The following ZBTB38 variants were observed in gnomAD, a reference collection of about 807,000 sequenced individuals.
ZBTB38 encodes zinc finger and BTB domain-containing protein 38.
In ZBTB38, 20 loss-of-function variants were observed where a neutral mutation model predicts 76.8. The observed-to-expected ratio is 0.26, with a 90% confidence interval of 0.18 to 0.38. The LOEUF is 0.38. Among genes scored for constraint, ZBTB38 ranks in the 10% least tolerant of loss-of-function variants. The pLI, the probability that ZBTB38 is intolerant of heterozygous loss-of-function variation, is 1.00. For synonymous variants in ZBTB38, 504 were observed against 544.2 expected, an observed-to-expected ratio of 0.93 and a Z score of 1.03; for missense variants, 1,082 against 1,482.3, an observed-to-expected ratio of 0.73 and a Z score of 4.43.
intron 2 of ZBTB38, among the ~76,000 whole-genome samples, chr3:141,377,496 G>T (rs2149111560): frequency 6.6e-6 from 1 of 152,308 alleles, no homozygotes; most frequent in Non-Finnish European, 1.5e-5. Flanking sequence ...CTCCTACATT[G>T]CCTGTAGGAA....
intron 5 of ZBTB38, among the ~76,000 whole-genome samples, chr3:141,435,597 T>C (rs2078588903): frequency 6.6e-6 from 1 of 151,858 alleles, no homozygotes; most frequent in African/African-American, 2.4e-5. Flanking sequence ...CCGTCTCTAC[T>C]AAAAATACAA....
intron 2 of ZBTB38, among the ~76,000 whole-genome samples, chr3:141,376,531 C>T (rs909109008): frequency 1.3e-5 from 2 of 152,190 alleles, no homozygotes; most frequent in Non-Finnish European, 2.9e-5. Context: ...AAGTCTACAA[C>T]CTCCCTTGAA....
chr3:141,421,353 T>C (rs1000170374), intron 5 of ZBTB38, among the ~76,000 whole-genome samples: 2 of 151,338 alleles, frequency 1.3e-5, no homozygotes, highest in Non-Finnish European at 2.9e-5. Flanking sequence ...TCTTGAACTC[T>C]TGGCCTTAAA....
chr3:141,399,833 G>C (rs957003106), intron 4 of ZBTB38, among the ~76,000 whole-genome samples: 1 of 152,080 alleles, frequency 6.6e-6, no homozygotes, highest in African/African-American at 2.4e-5. Flanking sequence ...GGCAGTTGTA[G>C]GATAACAGAA....
intron 1 of ZBTB38, among the ~76,000 whole-genome samples, chr3:141,329,973 T>A (rs1018271397): frequency 3.2e-4 from 48 of 151,794 alleles, no homozygotes; most frequent in African/African-American, 1.1e-3. Flanking sequence ...TATAAAAAAA[T>A]TTATATATCT....
intron 1 of ZBTB38, among the ~76,000 whole-genome samples, chr3:141,352,984 C>T (rs1943564356): frequency 6.6e-6 from 1 of 152,062 alleles, no homozygotes; most frequent in Non-Finnish European, 1.5e-5. Flanking sequence ...AACAAATGAA[C>T]AAACAAACCA....
At position 141,442,580 on chromosome 3, in the gene ZBTB38, C is replaced by T. The variant is rs1436821139; in HGVS notation, c.192C>T (p.Ser64=). The T allele has an allele frequency of 6.2e-7, 1 of 1,614,182 alleles. No individual in the cohort carries two copies. Among genetic ancestry groups the T allele is most frequent in the Non-Finnish European group, 8.5e-7 (1 of 1,180,046 alleles). The change falls in exon 6 of 6, where the codon AGC becomes AGT. Residue 64 remains serine (S), a synonymous_variant. Transcript: ENST00000321464. This position sits in a 1 kb window ranked among gnomAD's most constrained non-coding sequence, Gnocchi z 6.4. ...TGTATTTTAAAAATATCTTTTGGAG[C>T]CATACAATCTGTATTTCCAGCCACG... is the stretch of plus-strand genomic sequence containing the variant. ...SSLYFKNIFW[S]HTICISSHVL...
chr3:141,439,014 T>G (rs1304912855), intron 5 of ZBTB38, among the ~76,000 whole-genome samples: 1 of 151,874 alleles, frequency 6.6e-6, no homozygotes, highest in African/African-American at 2.4e-5. Context: ...TACAGCATCC[T>G]TCCTATACCC....
chr3:141,431,834 G>T (rs773103225), intron 5 of ZBTB38: 1 of 152,400 alleles, frequency 6.6e-6, no homozygotes, highest in Non-Finnish European at 1.5e-5. Context: ...CCTGTCACAC[G>T]ATGCCTTCTT....
chr3:141,428,954 A>C (rs1018786713), intron 5 of ZBTB38, among the ~76,000 whole-genome samples: 1 of 152,214 alleles, frequency 6.6e-6, no homozygotes, highest in Non-Finnish European at 1.5e-5. Flanking sequence ...ATCCTCATGT[A>C]ATGTTGATTT....
chr3:141,443,240 C>T lies in ZBTB38; in HGVS notation c.852C>T (p.Pro284=). 1 of 1,614,232 alleles carries T rather than the reference C, an allele frequency of 6.2e-7. No homozygotes were observed. The highest frequency in any genetic ancestry group is 1.6e-4 in the Middle Eastern group (1 of 6,062). The change falls in exon 6 of 6, where the codon CCC becomes CCT. Residue 284 remains proline, a synonymous_variant. Transcript: ENST00000321464. This position sits in a 1 kb window ranked among gnomAD's most constrained non-coding sequence, Gnocchi z 5.6. The part of the protein sequence containing the change: ...DSDSATENIP[P]PPVSNLEVNQ... Reference sequence around the variant, plus strand: ...ATTCAGCCACAGAAAATATACCACCCCCTCCAGTATCCAACTTAGAGGTTA... The same window carrying T: ...ATTCAGCCACAGAAAATATACCACCTCCTCCAGTATCCAACTTAGAGGTTA...
At chr3:141,328,880 A>G (rs1357479766) in intron 1 of ZBTB38, among the ~76,000 whole-genome samples, 2 of 151,756 alleles carry the variant, frequency 1.3e-5, no homozygotes, top group Non-Finnish European at 1.5e-5. Flanking sequence ...AATTTTTCCC[A>G]TGTCCTACTC....
chr3:141,349,131 C>T (rs543460582), intron 1 of ZBTB38, among the ~76,000 whole-genome samples: 1 of 152,156 alleles, frequency 6.6e-6, no homozygotes, highest in Non-Finnish European at 1.5e-5. Context: ...CCTCCTCTAC[C>T]TTTTCTCCCT....
rs575427056 is a variant in ZBTB38, at chr3:141,406,180, T to A, written c.-1+2149T>A. 4.6e-5 allele frequency among the ~76,000 whole-genome samples: 7 copies of A among 152,264 alleles called. No homozygotes were observed. The South Asian group carries it at 1.5e-3, about 32-fold the overall frequency. Reference sequence around the variant, plus strand: ...TAGGAATTGTGAATGCATTAACCAATAGGTGTCATTAAAGGTACTTGAACA... The same window carrying A: ...TAGGAATTGTGAATGCATTAACCAAAAGGTGTCATTAAAGGTACTTGAACA... On this transcript the variant is annotated intron_variant, in intron 5 of 5. Transcript: ENST00000321464.
rs1195641124 is a variant in ZBTB38, at chr3:141,447,481, G to C, written c.*1505G>C. On this transcript the variant is annotated 3_prime_UTR_variant, in exon 6 of 6. Transcript: ENST00000321464. ...ACAGCATATTCTATCATGTGGACTAGGTTCCTGGAAAGCCGGAACTCATGA... is the reference window on the plus strand; with the variant it reads ...ACAGCATATTCTATCATGTGGACTACGTTCCTGGAAAGCCGGAACTCATGA... The C allele has an allele frequency of 6.6e-6, 1 of 152,520 alleles. No individual in the cohort carries two copies. The highest frequency in any genetic ancestry group is 1.5e-5 in the Non-Finnish European group (1 of 68,040). The allele number at this position is 152,520 out of a possible 1,614,324, so 9.4% of individuals were successfully genotyped here. A position where few individuals can be genotyped will look rare whatever the true frequency, so the allele number is the denominator to read the frequency against.
At chr3:141,327,023 G>C (rs915690483) in intron 1 of ZBTB38, among the ~76,000 whole-genome samples, 3 of 152,096 alleles carry the variant, frequency 2.0e-5, no homozygotes, top group African/African-American at 7.2e-5. Flanking sequence ...GTTTTTTTGA[G>C]GTGTTTGTAT....
intron 5 of ZBTB38, among the ~76,000 whole-genome samples, chr3:141,429,809 T>C (rs530303513): frequency 4.8e-4 from 73 of 152,268 alleles, no homozygotes; most frequent in African/African-American, 1.6e-3. Flanking sequence ...GCCGGAACCG[T>C]GTGCATCAAA....
intron 2 of ZBTB38, among the ~76,000 whole-genome samples, chr3:141,380,551 G>A (rs1192006542): frequency 1.3e-5 from 2 of 152,202 alleles, no homozygotes; most frequent in African/African-American, 4.8e-5. Context: ...GGTAGAGAAA[G>A]GACTCCGGAG....
chr3:141,371,819 T>C (rs1286977750), intron 2 of ZBTB38, among the ~76,000 whole-genome samples: 1 of 152,216 alleles, frequency 6.6e-6, no homozygotes, highest in African/African-American at 2.4e-5. Flanking sequence ...AGTTTAACAT[T>C]TTATGTAACC....
Sources: gnomAD v4.1 joint callset for allele counts (sites outside exome capture counted in the v4.1 genomes callset) on GRCh38, gnomAD v4.1.1 for gene constraint, Gnocchi (gnomAD v3.1) non-coding constraint, MANE v1.5 for transcripts, NCBI Gene and HGNC (gene_info 2026-07-23, HGNC 2026-07-21) for gene names.